NFKB1: variants seen among roughly 807,000 people sequenced by gnomAD.
NFKB1 encodes nuclear factor NF-kappa-B p105 subunit.
NFKB1 carries 9 observed loss-of-function variants against 105.1 expected under a neutral mutation model. The ratio of observed to expected loss-of-function variants is 0.09; its 90% CI spans 0.05 to 0.15. The LOEUF (loss-of-function observed/expected upper bound fraction) is 0.15. Among genes scored for constraint, NFKB1 ranks in the 10% least tolerant of loss-of-function variants. The pLI is 1.00. For synonymous variants in NFKB1, 440 were observed against 442.2 expected (o/e 1.00, Z 0.06); for missense variants, 830 against 1,203.7 (o/e 0.69, Z 4.59).
At chr4:102,588,049 A>T (rs1278387606) in intron 11 of NFKB1, among the ~76,000 whole-genome samples, 1 of 152,068 alleles carries the variant, frequency 6.6e-6, no homozygotes, top group African/African-American at 2.4e-5. Flanking sequence ...CAATATGTAA[A>T]CCTGTCTTAT....
chr4:102,586,639 A>G (rs1460912332), intron 11 of NFKB1, among the ~76,000 whole-genome samples: 1 of 152,130 alleles, frequency 6.6e-6, no homozygotes, highest in African/African-American at 2.4e-5. Flanking sequence ...CCTGTTTTGT[A>G]TTTTACATAC....
intron 21 of NFKB1, 67 bp downstream of exon 21, chr4:102,612,177 A>G: frequency 3.5e-6 from 5 of 1,410,450 alleles, no homozygotes; most frequent in South Asian, 1.2e-5. Flanking sequence ...AAAGGGAGGA[A>G]CCAGCATTAT....
At chr4:102,587,307 T>A (rs1310782446) in intron 11 of NFKB1, among the ~76,000 whole-genome samples, 1 of 152,146 alleles carries the variant, frequency 6.6e-6, no homozygotes, top group Admixed American at 6.6e-5. Context: ...TATGGATAAT[T>A]TTTTTAGACT....
At chr4:102,615,517 G>T (rs567625712) in intron 23 of NFKB1, among the ~76,000 whole-genome samples, 9 of 152,276 alleles carry the variant, frequency 5.9e-5, no homozygotes, top group Admixed American at 1.3e-4. Flanking sequence ...TAATGTATCC[G>T]CCGGAAAACA....
chr4:102,538,832 CTA>C (rs1455618472), intron 5 of NFKB1, among the ~76,000 whole-genome samples: 2 of 152,132 alleles, frequency 1.3e-5, no homozygotes, highest in Non-Finnish European at 2.9e-5. Flanking sequence ...ATAGTTCTCA[CTA>C]TGTGTGTGTG....
chr4:102,599,687 A>G (rs567342115), intron 15 of NFKB1, among the ~76,000 whole-genome samples: 1 of 152,294 alleles, frequency 6.6e-6, no homozygotes, highest in South Asian at 2.1e-4. Context: ...TTCACCACGT[A>G]TTGGCCTTGA....
intron 1 of NFKB1, among the ~76,000 whole-genome samples, chr4:102,524,631 C>T (rs960495664): frequency 6.6e-6 from 1 of 152,062 alleles, no homozygotes; most frequent in Non-Finnish European, 1.5e-5. Context: ...TTATACAACT[C>T]ACCATAATGT....
intron 5 of NFKB1, among the ~76,000 whole-genome samples, chr4:102,563,381 AC>A (rs1560675784): frequency 6.6e-6 from 1 of 152,152 alleles, no homozygotes; most frequent in Non-Finnish European, 1.5e-5. Context: ...AAAAATATTT[AC>A]CCTGGAAATA....
chr4:102,601,083 A>G lies in NFKB1; in HGVS notation c.1752+74A>G. On this transcript the variant is annotated intron_variant, in intron 16 of 23. Transcript: ENST00000226574. Reference sequence around the variant, plus strand: ...TTTTTCTTCTGTTATGTTTGGGTGCATGTTATTTTTAGTAATGTTAACAGT... The same window carrying G: ...TTTTTCTTCTGTTATGTTTGGGTGCGTGTTATTTTTAGTAATGTTAACAGT... The G allele has an allele frequency of 6.4e-6, 6 of 937,534 alleles. No homozygotes were observed. The South Asian group carries it at 8.9e-5, about 14-fold the overall frequency. 58.1% of individuals were successfully genotyped at this position (937,534 alleles called of 1,614,324 possible).
chr4:102,538,010 AC>A, intron 5 of NFKB1, 54 bp downstream of exon 5: 1 of 1,136,910 alleles, frequency 8.8e-7, no homozygotes, highest in Non-Finnish European at 1.3e-6. Flanking sequence ...TTGATTTCCT[AC>A]GATTTCCAAG....
intron 5 of NFKB1, 75 bp downstream of exon 5, chr4:102,538,031 T>A: frequency 1.1e-6 from 1 of 930,630 alleles, no homozygotes; most frequent in Non-Finnish European, 1.8e-6. Flanking sequence ...GGAATTGCTT[T>A]AAATGAGTAC....
chr4:102,533,275 T>C (rs903460141), intron 3 of NFKB1, among the ~76,000 whole-genome samples: 8 of 152,086 alleles, frequency 5.3e-5, no homozygotes, highest in African/African-American at 1.9e-4. Flanking sequence ...GGCAGTACTT[T>C]CCCTTCAAGT....
intron 1 of NFKB1, among the ~76,000 whole-genome samples, chr4:102,518,487 C>T (rs953045010): frequency 2.0e-5 from 3 of 151,858 alleles, no homozygotes; most frequent in Non-Finnish European, 2.9e-5. Flanking sequence ...ACCCATACCC[C>T]ACATATACTC....
intron 4 of NFKB1, among the ~76,000 whole-genome samples, chr4:102,537,141 T>A (rs1741695013): frequency 2.6e-5 from 4 of 152,168 alleles, no homozygotes. Flanking sequence ...CCCACAGTAG[T>A]TTATATAGTG....
intron 9 of NFKB1, among the ~76,000 whole-genome samples, chr4:102,580,857 A>G (rs1248923037): frequency 1.3e-5 from 2 of 152,240 alleles, no homozygotes; most frequent in African/African-American, 2.4e-5. Context: ...TTCCCATGGA[A>G]GTAAAAAGAA....
At chr4:102,578,671 C>A in intron 7 of NFKB1, 1 of 519,690 alleles carries the variant, frequency 1.9e-6, no homozygotes, top group Non-Finnish European at 3.4e-6. Context: ...TTACTGTAAT[C>A]CGGAGAAAAT....
intron 13 of NFKB1, among the ~76,000 whole-genome samples, chr4:102,595,348 C>T (rs779489323): frequency 2.4e-4 from 36 of 152,084 alleles, no homozygotes; most frequent in Non-Finnish European, 3.8e-4. Context: ...TTTATAGGAT[C>T]GGTCTTTTCC....
At chr4:102,587,849 T>C (rs1257966202) in intron 11 of NFKB1, among the ~76,000 whole-genome samples, 1 of 152,120 alleles carries the variant, frequency 6.6e-6, no homozygotes. Context: ...GACCAGGCAA[T>C]ATAACTGGTC....
chr4:102,505,093 T>C (rs1022362477), intron 1 of NFKB1, among the ~76,000 whole-genome samples: 3 of 152,236 alleles, frequency 2.0e-5, no homozygotes, highest in Non-Finnish European at 4.4e-5. Flanking sequence ...TTAGGGGTTG[T>C]TCCTGGGTGC....
Sources: gnomAD v4.1 joint callset for allele counts (sites outside exome capture counted in the v4.1 genomes callset) on GRCh38, gnomAD v4.1.1 for gene constraint, MANE v1.5 for transcripts, NCBI Gene and HGNC (gene_info 2026-07-23, HGNC 2026-07-21) for gene names.